Variants in CNTNAP2 observed in about 807,000 individuals in gnomAD.
The protein encoded by CNTNAP2 is contactin-associated protein-like 2.
Under a neutral mutation model 155.2 loss-of-function variants are expected in CNTNAP2, and 98 were observed. The observed-to-expected ratio is 0.63, with a 90% confidence interval of 0.54 to 0.75. The LOEUF is 0.75. Ranked by LOEUF, CNTNAP2 falls within the 30% of genes least tolerant of loss-of-function variation. The pLI is 0.00. For missense variants in CNTNAP2, 1,727 were observed against 1,688.1 expected (o/e 1.02, Z -0.40); for synonymous variants, 651 against 631.2 (o/e 1.03, Z -0.47).
At chr7:147,400,606 C>T (rs1349055001) in intron 10 of CNTNAP2, among the ~76,000 whole-genome samples, 2 of 152,164 alleles carry the variant, frequency 1.3e-5, no homozygotes, top group Non-Finnish European at 2.9e-5. Flanking sequence ...CACAGCTCAG[C>T]TGCCAGAGGA....
chr7:146,627,238 C>T (rs374072484), intron 1 of CNTNAP2, among the ~76,000 whole-genome samples: 10 of 152,082 alleles, frequency 6.6e-5, no homozygotes, highest in African/African-American at 2.4e-4. Context: ...AGTCACCTCC[C>T]ACCATCTTCC....
chr7:146,992,032 A>G (rs1219021101), intron 3 of CNTNAP2, among the ~76,000 whole-genome samples: 1 of 152,176 alleles, frequency 6.6e-6, no homozygotes, highest in East Asian at 1.9e-4. Flanking sequence ...AAAGACTCCA[A>G]CTGAGAAATG....
At chr7:147,015,915 C>T (rs1317612710) in intron 3 of CNTNAP2, among the ~76,000 whole-genome samples, 1 of 152,128 alleles carries the variant, frequency 6.6e-6, no homozygotes, top group South Asian at 2.1e-4. Context: ...TTTCTTCCTT[C>T]TTAGGAATGA....
At chr7:148,208,062 C>A (rs900689216) in intron 18 of CNTNAP2, among the ~76,000 whole-genome samples, 4 of 149,846 alleles carry the variant, frequency 2.7e-5, no homozygotes, top group African/African-American at 9.9e-5. Flanking sequence ...GCGCTCCAGC[C>A]TGGGCGACAG....
intron 1 of CNTNAP2, among the ~76,000 whole-genome samples, chr7:146,152,567 C>T (rs1798067995): frequency 6.6e-6 from 1 of 152,024 alleles, no homozygotes; most frequent in Non-Finnish European, 1.5e-5. Context: ...ATATGTTACC[C>T]AGCTGGATGT....
intron 1 of CNTNAP2, among the ~76,000 whole-genome samples, chr7:146,560,130 C>T (rs1192209275): frequency 6.6e-6 from 1 of 152,058 alleles, no homozygotes; most frequent in Non-Finnish European, 1.5e-5. Context: ...TCTCACTTCC[C>T]ATCACTGAAT....
chr7:148,126,145 A>G (rs1170923351), intron 16 of CNTNAP2, among the ~76,000 whole-genome samples: 1 of 152,200 alleles, frequency 6.6e-6, no homozygotes, highest in African/African-American at 2.4e-5. Context: ...AAGAGCCACA[A>G]AGTAAATGGA....
At chr7:146,965,238 A>G (rs1797634193) in intron 3 of CNTNAP2, among the ~76,000 whole-genome samples, 1 of 152,104 alleles carries the variant, frequency 6.6e-6, no homozygotes, top group African/African-American at 2.4e-5. Flanking sequence ...ACTGCCCTGT[A>G]GAGAAGAGAG....
At chr7:147,449,127 C>T (rs1797789868) in intron 10 of CNTNAP2, among the ~76,000 whole-genome samples, 1 of 152,126 alleles carries the variant, frequency 6.6e-6, no homozygotes, top group Admixed American at 6.5e-5. Flanking sequence ...GTGTAAAACA[C>T]TCATATACCT....
chr7:147,744,254 G>T (rs576815750), intron 13 of CNTNAP2, among the ~76,000 whole-genome samples: 1 of 152,194 alleles, frequency 6.6e-6, no homozygotes, highest in African/African-American at 2.4e-5. Flanking sequence ...TTTTTACAAG[G>T]TATATGAGCC....
At chr7:146,618,122 G>T (rs767997030) in intron 1 of CNTNAP2, among the ~76,000 whole-genome samples, 3 of 152,118 alleles carry the variant, frequency 2.0e-5, no homozygotes, top group Non-Finnish European at 2.9e-5. Flanking sequence ...CAAATTCACT[G>T]CTCAGCGTGG....
intron 1 of CNTNAP2, among the ~76,000 whole-genome samples, chr7:146,151,211 T>C (rs575616448): frequency 1.1e-4 from 17 of 152,242 alleles, no homozygotes; most frequent in African/African-American, 3.1e-4. Context: ...AGATGAGATT[T>C]GGGTGGGGAC....
chr7:146,982,146 C>T (rs1287992868), intron 3 of CNTNAP2, among the ~76,000 whole-genome samples: 1 of 151,980 alleles, frequency 6.6e-6, no homozygotes, highest in African/African-American at 2.4e-5. Flanking sequence ...GCTGGTTTGG[C>T]CCATAGGCTA....
intron 17 of CNTNAP2, among the ~76,000 whole-genome samples, chr7:148,164,949 T>A (rs1342930034): frequency 6.6e-6 from 1 of 152,016 alleles, no homozygotes. Flanking sequence ...TACCTGGCTC[T>A]AACTCTGTAC....
At chr7:146,930,403 C>G (rs1207081002) in intron 3 of CNTNAP2, among the ~76,000 whole-genome samples, 1 of 152,014 alleles carries the variant, frequency 6.6e-6, no homozygotes, top group African/African-American at 2.4e-5. Context: ...GATTTTGTCA[C>G]CACCAGGCCT....
At chr7:148,247,652 TTTATTTATTTA>T (rs1796293979) in intron 20 of CNTNAP2, among the ~76,000 whole-genome samples, 2 of 139,132 alleles carry the variant, frequency 1.4e-5, no homozygotes. Context: ...TATTTATTTA[TTTATTTATTTA>T]TTTTTTTGGA....
chr7:147,575,749 A>G (rs1400776034), intron 12 of CNTNAP2, among the ~76,000 whole-genome samples: 1 of 152,034 alleles, frequency 6.6e-6, no homozygotes, highest in African/African-American at 2.4e-5. Context: ...GTAAATTAAT[A>G]AATTTTCCTT....
chr7:146,228,661 CTT>C (rs1799334419), intron 1 of CNTNAP2, among the ~76,000 whole-genome samples: 1 of 152,146 alleles, frequency 6.6e-6, no homozygotes. Context: ...TAACTCCTCT[CTT>C]AGATAAATGT....
chr7:148,234,721 T>C lies in CNTNAP2; in HGVS notation c.3381+4942T>C, dbSNP rs185512504. On this transcript the variant is annotated intron_variant, in intron 20 of 23. Transcript: ENST00000361727. ...AGGCCAAAGGCTGAGATGATGCAGC[T>C]TTCTGAAATTTTGAACTGATCCTAG... is the stretch of plus-strand genomic sequence containing the variant. Among the ~76,000 whole-genome samples, 16 of 152,350 alleles carry C rather than the reference T, an allele frequency of 1.1e-4. No individual in the cohort carries two copies. In the East Asian group the frequency reaches 2.5e-3, roughly 24 times the overall value.
Sources: gnomAD v4.1 joint callset for allele counts (sites outside exome capture counted in the v4.1 genomes callset) on GRCh38, gnomAD v4.1.1 for gene constraint, MANE v1.5 for transcripts, NCBI Gene and HGNC (gene_info 2026-07-23, HGNC 2026-07-21) for gene names.